The following FBXO34 variants were observed in gnomAD, a reference collection of about 807,000 sequenced individuals.
FBXO34 encodes F-box protein 34.
A neutral mutation model predicts 24.5 loss-of-function variants in FBXO34; 12 were observed. The observed-to-expected ratio is 0.49, with a 90% confidence interval of 0.31 to 0.79. FBXO34 has a LOEUF of 0.79. FBXO34 is among the 30% of genes least tolerant of loss of function. FBXO34 has a pLI of 0.04. For synonymous variants in FBXO34, 320 were observed against 311.9 expected, an observed-to-expected ratio of 1.03 and a Z score of -0.27; for missense variants, 823 against 857.7, an observed-to-expected ratio of 0.96 and a Z score of 0.51.
intron 1 of FBXO34, among the ~76,000 whole-genome samples, chr14:55,296,699 G>C (rs1055793296): frequency 9.9e-5 from 15 of 151,952 alleles, no homozygotes; most frequent in African/African-American, 3.4e-4. Flanking sequence ...CCTGGCCGCT[G>C]TTCTTGATTT....
At chr14:55,411,752 C>T in the FBXO34 span, 2 of 1,608,374 alleles carry the variant, frequency 1.2e-6, no homozygotes, top group South Asian at 1.1e-5. Flanking sequence ...CACCAGGTCC[C>T]GGGCGAGCGG....
downstream of FBXO34, among the ~76,000 whole-genome samples, chr14:55,366,019 CCCTTTTCCTCTTG>C (rs1229808911): frequency 6.6e-6 from 1 of 152,180 alleles, no homozygotes; most frequent in African/African-American, 2.4e-5. Context: ...TCCAACATTT[CCCTTTTCCTCTTG>C]TCCTGAAGAA....
At chr14:55,430,817 A>G in the FBXO34 span, among the ~76,000 whole-genome samples, 1 of 152,222 alleles carries the variant, frequency 6.6e-6, no homozygotes, top group Non-Finnish European at 1.5e-5. Flanking sequence ...CCAGGTTAGC[A>G]GTAAAATAAA....
intron 1 of FBXO34, among the ~76,000 whole-genome samples, chr14:55,292,096 A>C (rs1025455293): frequency 6.6e-6 from 1 of 152,228 alleles, no homozygotes; most frequent in African/African-American, 2.4e-5. Flanking sequence ...AGTACCCTTT[A>C]ACCTAATGGG....
chr14:55,350,441 A>G lies in FBXO34; in HGVS notation c.51A>G (p.Glu17=). The G allele has an allele frequency of 6.2e-7, 1 of 1,608,778 alleles. No homozygotes were observed. ...WKLQKKEHPP[E]VSRETQRTPM... ...TCCAGAAGAAAGAGCACCCCCCGGAAGTCAGCAGGGAAACGCAGAGAACTC... is the reference window on the plus strand; with the variant it reads ...TCCAGAAGAAAGAGCACCCCCCGGAGGTCAGCAGGGAAACGCAGAGAACTC... The change falls in exon 2 of 2, where the codon GAA becomes GAG. Residue 17 remains glutamate (E), a synonymous_variant. Transcript: ENST00000313833.
At chr14:55,372,467 G>C (rs1368788692), downstream of FBXO34, among the ~76,000 whole-genome samples, 1 of 152,094 alleles carries the variant, frequency 6.6e-6, no homozygotes, top group Non-Finnish European at 1.5e-5. Context: ...CTGACTGCCA[G>C]GCTAAGTCTC....
In FBXO34 at chr14:55,352,202, T is replaced by C. The variant is rs777976350; in HGVS notation, c.1812T>C (p.Tyr604=). The C allele has an allele frequency of 2.5e-6, 4 of 1,614,048 alleles. No homozygotes were observed. The highest frequency in any genetic ancestry group is 2.5e-6 in the Non-Finnish European group (3 of 1,180,020). ...SLVALKCTCC[Y]FKFIIEYYNI... ...TGGCCCTTAAATGTACCTGCTGCTA[T>C]TTCAAGTTTATCATTGAGTACTACA... The change falls in exon 2 of 2, where the codon TAT becomes TAC. Residue 604 remains tyrosine (Y), a synonymous_variant. Coordinates refer to ENST00000313833, the MANE Select transcript of FBXO34 (RefSeq NM_017943.4).
At chr14:55,371,545 A>G (rs143233795), downstream of FBXO34, among the ~76,000 whole-genome samples, 19,980 of 151,566 alleles carry the variant, frequency 0.13, 1,728 homozygotes, top group South Asian at 0.17. Flanking sequence ...GGTGGCTCAC[A>G]CCTGTAATCC....
chr14:55,370,638 T>G (rs1884793174), downstream of FBXO34, among the ~76,000 whole-genome samples: 2 of 152,024 alleles, frequency 1.3e-5, no homozygotes, highest in Admixed American at 6.6e-5. Flanking sequence ...GAAGCCTTTC[T>G]GCATTTCTTT....
At chr14:55,290,402 AT>A (rs1345505398) in intron 1 of FBXO34, among the ~76,000 whole-genome samples, 36 of 150,404 alleles carry the variant, frequency 2.4e-4, no homozygotes, top group Admixed American at 5.3e-4. Flanking sequence ...AAAAAAAAAA[AT>A]AAATAAAATA....
chr14:55,425,772 C>T, the FBXO34 span, among the ~76,000 whole-genome samples: 1 of 152,182 alleles, frequency 6.6e-6, no homozygotes, highest in Admixed American at 6.5e-5. Context: ...TCTCATAGCC[C>T]CTGAAGGGCC....
intron 1 of FBXO34, among the ~76,000 whole-genome samples, chr14:55,331,713 A>G (rs1229368108): frequency 4.3e-5 from 2 of 46,958 alleles, no homozygotes; most frequent in African/African-American, 3.5e-4. Flanking sequence ...ATGTATATAT[A>G]TATGTATATA....
At chr14:55,290,333 A>C (rs1228096152) in intron 1 of FBXO34, among the ~76,000 whole-genome samples, 1 of 152,004 alleles carries the variant, frequency 6.6e-6, no homozygotes, top group East Asian at 1.9e-4. Flanking sequence ...TGGAGGTTGC[A>C]GTGAGCCGAG....
the FBXO34 span, chr14:55,436,716 C>A: frequency 6.2e-7 from 1 of 1,614,190 alleles, no homozygotes; most frequent in Non-Finnish European, 8.5e-7. Context: ...GGGAATTTGA[C>A]AAACTGCTGC....
chr14:55,405,891 G>GA, the FBXO34 span, among the ~76,000 whole-genome samples: 1 of 151,910 alleles, frequency 6.6e-6, no homozygotes. Context: ...TGGGGTGGCG[G>GA]GGGGGGCAGG....
chr14:55,397,229 T>C, the FBXO34 span: 1 of 755,436 alleles, frequency 1.3e-6, no homozygotes, highest in Non-Finnish European at 2.3e-6. Context: ...CTCTCCCACA[T>C]GCACTCCTTT....
chr14:55,345,560 C>G (rs1187151329), intron 1 of FBXO34, among the ~76,000 whole-genome samples: 1 of 152,160 alleles, frequency 6.6e-6, no homozygotes, highest in Non-Finnish European at 1.5e-5. Flanking sequence ...CCCCGTCTCC[C>G]CATGGGCTCT....
chr14:55,417,279 A>G, the FBXO34 span, among the ~76,000 whole-genome samples: 1 of 152,170 alleles, frequency 6.6e-6, no homozygotes, highest in Admixed American at 6.5e-5. Context: ...CAGTATTTGT[A>G]ACAGGTTGTT....
At chr14:55,299,323 C>G (rs1882259756) in intron 1 of FBXO34, 1 of 646,478 alleles carries the variant, frequency 1.5e-6, no homozygotes, top group African/African-American at 1.8e-5. Context: ...TCGACTCTCA[C>G]TCCAAAGCAG....
Sources: allele counts gnomAD v4.1 joint callset (sites outside exome capture counted in the v4.1 genomes callset), GRCh38; gene constraint gnomAD v4.1.1; transcripts MANE v1.5; gene names NCBI Gene and HGNC (gene_info 2026-07-23, HGNC 2026-07-21).